Variants in ZNF345 observed in about 807,000 individuals in gnomAD.
ZNF345 encodes the protein zinc finger protein HZF10.
For synonymous variants in ZNF345, 166 were observed against 187.9 expected (o/e 0.88, Z 0.95); for missense variants, 527 against 589.9 (o/e 0.89, Z 1.10).
chr19:36,851,099 T>A (rs2072251492), intron 1 of ZNF345, 131 bp downstream of exon 1: 1 of 152,794 alleles, frequency 6.5e-6, no homozygotes, highest in African/African-American at 2.4e-5. Flanking sequence ...TGTGCGACCG[T>A]GTATGGAACT....
intron 2 of ZNF345, among the ~76,000 whole-genome samples, chr19:36,871,009 T>C (rs2072760181): frequency 6.6e-6 from 1 of 152,206 alleles, no homozygotes. Context: ...TGGGCCACTG[T>C]AACAAAGTAC....
At chr19:36,892,596 A>G (rs1333874565) in intron 3 of ZNF345, 9 of 1,015,882 alleles carry the variant, frequency 8.9e-6, no homozygotes, top group Non-Finnish European at 1.3e-5. Flanking sequence ...AAAGGTGGAG[A>G]GGCAATCTGT....
intron 2 of ZNF345, 107 bp from the exon 3 acceptor site, chr19:36,876,678 A>G: frequency 1.3e-6 from 1 of 757,200 alleles, no homozygotes; most frequent in Non-Finnish European, 2.0e-6. Flanking sequence ...AAACCACTCA[A>G]TTTTTATGAA....
At chr19:36,867,464 A>G (rs901990036) in intron 2 of ZNF345, among the ~76,000 whole-genome samples, 1 of 152,176 alleles carries the variant, frequency 6.6e-6, no homozygotes, top group Non-Finnish European at 1.5e-5. Flanking sequence ...AACCTTTTTC[A>G]TCTGCCTCTA....
rs1169601399 is a variant in ZNF345 at position 36,878,721 on chromosome 19, A to G, written c.*424A>G. 5.9e-6 allele frequency: 1 copy of G among 168,746 alleles called. No homozygotes were observed. The highest frequency in any genetic ancestry group is 1.4e-5 in the Non-Finnish European group (1 of 69,418). The allele number at this position is 168,746 out of a possible 1,614,324, so 10.5% of individuals were successfully genotyped here. A position where few individuals can be genotyped will look rare whatever the true frequency, so the allele number is the denominator to read the frequency against. On this transcript the variant is annotated 3_prime_UTR_variant, in exon 3 of 3. Transcript: ENST00000420450. Reference sequence around the variant, plus strand: ...CCTTTTTTTCTTTCCTGATTATCCTAACACCATTTATTCAATAACCTTGTC... The same window carrying G: ...CCTTTTTTTCTTTCCTGATTATCCTGACACCATTTATTCAATAACCTTGTC...
At chr19:36,879,581 A>C (rs191443912), downstream of ZNF345, 65 of 166,778 alleles carry the variant, frequency 3.9e-4, 1 homozygote, top group African/African-American at 1.5e-3. Flanking sequence ...ACTTACCTTG[A>C]TGGCCCCTTT....
intron 2 of ZNF345, among the ~76,000 whole-genome samples, chr19:36,868,740 C>T (rs2072715176): frequency 6.6e-6 from 1 of 151,698 alleles, no homozygotes; most frequent in South Asian, 2.1e-4. Context: ...ATTCTCCTGC[C>T]TCAGGCTCCC....
At chr19:36,859,974 T>TTTG (rs2072511493) in intron 2 of ZNF345, among the ~76,000 whole-genome samples, 1 of 152,070 alleles carries the variant, frequency 6.6e-6, no homozygotes, top group Admixed American at 6.6e-5. Flanking sequence ...TTGTTTGTTT[T>TTTG]TTTGAGACAG....
chr19:36,891,699 G>C (rs779107045), intron 3 of ZNF345: 7 of 1,613,844 alleles, frequency 4.3e-6, no homozygotes, highest in Admixed American at 1.7e-5. Flanking sequence ...TAAGTTCTGA[G>C]CTCTGAATAA....
intron 2 of ZNF345, among the ~76,000 whole-genome samples, chr19:36,859,014 TTAG>T (rs1014997209): frequency 1.3e-5 from 2 of 152,082 alleles, no homozygotes; most frequent in Non-Finnish European, 2.9e-5. Flanking sequence ...ACTGGTCATC[TTAG>T]TGGTGTCTTG....
At chr19:36,886,943 G>A (rs1258548001) in intron 3 of ZNF345, among the ~76,000 whole-genome samples, 14 of 149,126 alleles carry the variant, frequency 9.4e-5, no homozygotes, top group Admixed American at 6.1e-4. Context: ...GCAGTGAGCC[G>A]GGATAGCGCC....
intron 2 of ZNF345, among the ~76,000 whole-genome samples, chr19:36,865,306 G>T (rs949553996): frequency 3.9e-5 from 6 of 152,168 alleles, no homozygotes; most frequent in African/African-American, 1.4e-4. Context: ...TGAAAAAATG[G>T]TGAATAAAGG....
At chr19:36,892,585 C>G (rs1396591878) in intron 3 of ZNF345, 1 of 1,172,170 alleles carries the variant, frequency 8.5e-7, no homozygotes, top group Non-Finnish European at 1.2e-6. Flanking sequence ...ACACAGTTTT[C>G]AAAGGTGGAG....
intron 2 of ZNF345, 32 bp downstream of exon 2, chr19:36,851,936 A>G (rs1249053293): frequency 6.6e-6 from 1 of 151,936 alleles, no homozygotes; most frequent in East Asian, 1.9e-4. Context: ...TTTAAGAAAA[A>G]TCCCTTTTTC....
downstream of ZNF345, among the ~76,000 whole-genome samples, chr19:36,883,467 G>A (rs2072980075): frequency 6.6e-6 from 1 of 152,246 alleles, no homozygotes; most frequent in East Asian, 1.9e-4. Context: ...CACTCACTAC[G>A]TTCAGTAGCC....
Position 36,877,757 on chromosome 19 carries a change from T to C in ZNF345, c.927T>C (p.Thr309=). 1 of 1,613,856 alleles carries C rather than the reference T, an allele frequency of 6.2e-7. No homozygotes were observed. Among genetic ancestry groups the C allele is most frequent in the Non-Finnish European group, 8.5e-7 (1 of 1,179,924 alleles). Residue 309 remains threonine, a synonymous_variant, in exon 3 of 3, where the codon ACT becomes ACC. Transcript: ENST00000420450. ...SDLTQHQRIH[T]GEKPYECKEC... is the part of the protein sequence containing the mutation. ...TCACTCAGCATCAGAGAATTCACACTGGTGAGAAACCCTATGAGTGTAAGG... is the reference window on the plus strand; with the variant it reads ...TCACTCAGCATCAGAGAATTCACACCGGTGAGAAACCCTATGAGTGTAAGG...
intron 2 of ZNF345, among the ~76,000 whole-genome samples, chr19:36,875,124 G>C (rs1020839025): frequency 2.6e-5 from 4 of 151,950 alleles, no homozygotes; most frequent in Non-Finnish European, 5.9e-5. Flanking sequence ...CATGAAGCTT[G>C]GCTCTATTGT....
In ZNF345 at chr19:36,858,208, C is replaced by A. The variant is rs557773833; in HGVS notation, c.-47+6304C>A. ...TTATTGTTTTAAGACTAATCAAGCC[C>A]ATTTTTCTTATTATTGTTTTAAGAC... On this transcript the variant is annotated intron_variant, in intron 2 of 2. Transcript: ENST00000420450. The A allele has an allele frequency of 7.9e-5, 12 of 152,536 alleles. No individual in the cohort carries two copies. The East Asian group carries it at 2.3e-3, about 29-fold the overall frequency. The allele number at this position is 152,536 out of a possible 1,614,324, so 9.4% of individuals were successfully genotyped here.
At position 36,871,622 on chromosome 19, in the gene ZNF345, A is replaced by G. The variant is rs2072772867; in HGVS notation, c.-46-5163A>G. On this transcript the variant is annotated intron_variant, in intron 2 of 2. Coordinates refer to ENST00000420450, the MANE Select transcript of ZNF345 (RefSeq NM_001242472.2). The stretch of plus-strand genomic sequence containing the variant: ...TTCAAGCTCTCTTTATTTAGCTGCT[A>G]TTGTGTTTGTTTGTTTGTTTTACTT... 2.6e-5 allele frequency among the ~76,000 whole-genome samples: 4 copies of G among 151,910 alleles called. No homozygotes were observed. In the South Asian group the frequency reaches 8.3e-4, roughly 32 times the overall value.
Sources: gnomAD v4.1 joint callset for allele counts (sites outside exome capture counted in the v4.1 genomes callset) on GRCh38, gnomAD v4.1.1 for gene constraint, MANE v1.5 for transcripts, NCBI Gene and HGNC (gene_info 2026-07-23, HGNC 2026-07-21) for gene names.